Variants in LIPG observed in about 807,000 individuals in gnomAD.
The protein encoded by LIPG is endothelial lipase.
Under a neutral mutation model 51.8 loss-of-function variants are expected in LIPG, and 34 were observed. The observed-to-expected ratio is 0.66, with a 90% CI of 0.50 to 0.87. LIPG has a LOEUF of 0.87. Ranked by LOEUF, LIPG falls within the 40% of genes least tolerant of loss-of-function variation. LIPG has a pLI of 0.00. For missense variants in LIPG, 580 were observed against 652.7 expected (o/e 0.89, Z 1.21); for synonymous variants, 246 against 246.1 (o/e 1.00, Z 0.00).
chr18:49,567,767 T>C (rs2084622710), intron 3 of LIPG, 146 bp downstream of exon 3: 1 of 742,982 alleles, frequency 1.3e-6, no homozygotes. Context: ...GAATTAAGTA[T>C]TGTTTGGAAT....
rs189634835 is a variant in LIPG at position 49,594,468 on chromosome 18, G to T, written c.*3946G>T. 2.0e-5 allele frequency: 3 copies of T among 151,960 alleles called. No homozygotes were observed. Among genetic ancestry groups the T allele is most frequent in the South Asian group, 2.1e-4 (1 of 4,810 alleles). 9.4% of individuals were successfully genotyped at this position (151,960 alleles called of 1,614,324 possible). On this transcript the variant is annotated 3_prime_UTR_variant, in exon 10 of 10. Coordinates refer to ENST00000261292, the MANE Select transcript of LIPG (RefSeq NM_006033.4). ...TAATTTTGTATCTTTTAACAATTCCGTCCCTATTTCCCCTTTCCCCCTACC... is the reference window on the plus strand; with the variant it reads ...TAATTTTGTATCTTTTAACAATTCCTTCCCTATTTCCCCTTTCCCCCTACC...
rs750763124 is a variant in LIPG at position 49,586,731 on chromosome 18, T to C, written c.1377-15T>C. 2 of 1,595,200 alleles carry C rather than the reference T, an allele frequency of 1.3e-6. No individual in the cohort carries two copies. The highest frequency in any genetic ancestry group is 1.7e-6 in the Non-Finnish European group (2 of 1,162,714). On this transcript the variant is annotated splice_polypyrimidine_tract_variant and intron_variant, in intron 8 of 9. Coordinates refer to ENST00000261292, the MANE Select transcript of LIPG (RefSeq NM_006033.4). ...TAAAGTTCTGCCTACATCAGTGGTT[T>C]CTTTTCCCTCCTAGACTGACATTTT...
chr18:49,567,386 A>G, intron 2 of LIPG, 56 bp from the exon 3 acceptor site: 1 of 1,561,316 alleles, frequency 6.4e-7, no homozygotes, highest in Non-Finnish European at 8.7e-7. Context: ...GGAATTCCAT[A>G]TTTTTTAGGA....
chr18:49,567,938 G>C (rs1441239697), intron 3 of LIPG, among the ~76,000 whole-genome samples: 2 of 152,190 alleles, frequency 1.3e-5, no homozygotes, highest in East Asian at 3.9e-4. Context: ...AACCAGGCCA[G>C]GCTTGTGATC....
Position 49,580,239 on chromosome 18 carries a change from ACCAAC to A in LIPG, c.794-1175_794-1171del, listed in dbSNP as rs1425647375. Among the ~76,000 whole-genome samples, 18 of 152,304 alleles carry A rather than the reference ACCAAC, an allele frequency of 1.2e-4. No individual in the cohort carries two copies. The East Asian group carries it at 3.1e-3, about 26-fold the overall frequency. Reference sequence around the variant, plus strand: ...TCCAAATTGTATGCCTAACTTTGTAACCAACTGTCTCTATGACCCTGAGCAGATTA... The same window carrying A: ...TCCAAATTGTATGCCTAACTTTGTAATGTCTCTATGACCCTGAGCAGATTA... On this transcript the variant is annotated intron_variant, in intron 5 of 9. Coordinates refer to ENST00000261292, the MANE Select transcript of LIPG (RefSeq NM_006033.4).
At chr18:49,568,336 A>T (rs951484370) in intron 3 of LIPG, among the ~76,000 whole-genome samples, 8 of 149,154 alleles carry the variant, frequency 5.4e-5, no homozygotes, top group African/African-American at 1.7e-4. Context: ...AGCCTGCCTG[A>T]TACCTCTTTT....
chr18:49,582,218 C>G (rs992246799), intron 6 of LIPG, 144 bp from the exon 7 acceptor site: 4 of 942,184 alleles, frequency 4.2e-6, no homozygotes, highest in Non-Finnish European at 5.1e-6. Context: ...TTGGACAGAA[C>G]AAGAGCAGAT....
At chr18:49,578,853 TCCA>T (rs1383582408) in intron 5 of LIPG, among the ~76,000 whole-genome samples, 13 of 150,196 alleles carry the variant, frequency 8.7e-5, no homozygotes, top group Admixed American at 2.0e-4. Flanking sequence ...AAACCCCGTC[TCCA>T]CCAAAACCAG....
chr18:49,588,322 G>GT (rs1568538178), intron 9 of LIPG, among the ~76,000 whole-genome samples: 2 of 140,162 alleles, frequency 1.4e-5, no homozygotes, highest in Non-Finnish European at 3.0e-5. Flanking sequence ...TCACTCTATC[G>GT]CTCAGGCTGG....
At chr18:49,577,769 G>A (rs1430296736) in intron 5 of LIPG, among the ~76,000 whole-genome samples, 1 of 106,670 alleles carries the variant, frequency 9.4e-6, no homozygotes, top group Non-Finnish European at 1.9e-5. Context: ...CTCCCTCCCG[G>A]ATGGGGCGGC....
At chr18:49,565,565 A>G in intron 2 of LIPG, 67 bp downstream of exon 2, 1 of 1,567,536 alleles carries the variant, frequency 6.4e-7, no homozygotes, top group East Asian at 2.2e-5. Flanking sequence ...GGTCAATTAG[A>G]AAGAATTCTG....
intron 2 of LIPG, 144 bp downstream of exon 2, chr18:49,565,642 G>A: frequency 2.1e-6 from 2 of 954,270 alleles, no homozygotes; most frequent in East Asian, 2.6e-5. Context: ...AGACAGCTGT[G>A]AAGAATGTAA....
chr18:49,565,479 T>C lies in LIPG; in HGVS notation c.260T>C (p.Phe87Ser). ...TTCAACATGACAGCTAAAACCTTTT[T>C]CATCATTCACGGATGGACGGTGAGC... ...CSFNMTAKTF[F>S]IIHGWTMSGI... The change falls in exon 2 of 10, where the codon TTC (phenylalanine) becomes TCC (serine). Residue 87 changes from phenylalanine to serine, a missense_variant. Physicochemically the swap from Phe to Ser is radical, Grantham distance 155. Transcript: ENST00000261292. 6.2e-7 allele frequency: 1 copy of C among 1,614,252 alleles called. No individual in the cohort carries two copies. The highest frequency in any genetic ancestry group is 8.5e-7 in the Non-Finnish European group (1 of 1,180,046).
rs770572030 is a variant in LIPG, at chr18:49,581,427, T to C, written c.806T>C (p.Val269Ala). The C allele has an allele frequency of 1.9e-6, 3 of 1,613,856 alleles. No homozygotes were observed. The South Asian group carries it at 3.3e-5, about 18-fold the overall frequency. Residue 269 changes from valine (V) to alanine (A), a missense_variant, in exon 6 of 10, where the codon GTG becomes GCG. Val to Ala is a moderately conservative substitution (Grantham distance 64). Transcript: ENST00000261292. ...GSIAYGTITEVVKCEHERAVH... is the reference protein window; with the variant it reads ...GSIAYGTITEAVKCEHERAVH... ...CTCCCACCCCCAGCAATCACAGAGG[T>C]GGTAAAATGTGAGCATGAGCGAGCC...
At chr18:49,577,688 G>T (rs1568531342) in intron 5 of LIPG, among the ~76,000 whole-genome samples, 2 of 93,238 alleles carry the variant, frequency 2.1e-5, no homozygotes, top group African/African-American at 9.4e-5. Context: ...GGCTGGCCAG[G>T]CGGGGGGCTG....
In LIPG at chr18:49,590,762, C is replaced by T. The variant is rs1475405472; in HGVS notation, c.*240C>T. ...AACTCCAAACCTCTGTCCACACCTCCAGAGCACCAAGTCCAGATTTGTGTG... is the reference window on the plus strand; with the variant it reads ...AACTCCAAACCTCTGTCCACACCTCTAGAGCACCAAGTCCAGATTTGTGTG... On this transcript the variant is annotated 3_prime_UTR_variant, in exon 10 of 10. Coordinates refer to ENST00000261292, the MANE Select transcript of LIPG (RefSeq NM_006033.4). 1 of 592,944 alleles carries T rather than the reference C, an allele frequency of 1.7e-6. No individual in the cohort carries two copies. The highest frequency in any genetic ancestry group is 2.9e-5 in the East Asian group (1 of 34,952). 36.7% of individuals were successfully genotyped at this position (592,944 alleles called of 1,614,324 possible).
chr18:49,574,167 C>T (rs1242182405), intron 4 of LIPG, among the ~76,000 whole-genome samples: 1 of 152,194 alleles, frequency 6.6e-6, no homozygotes, highest in Admixed American at 6.5e-5. Context: ...GGGCAAAGAG[C>T]TGTTCTGGTT....
At chr18:49,577,668 CGG>C (rs2084736397) in intron 5 of LIPG, among the ~76,000 whole-genome samples, 1 of 111,936 alleles carries the variant, frequency 8.9e-6, no homozygotes, top group Non-Finnish European at 2.0e-5. Context: ...ACCTCCCTCC[CGG>C]ACGGCACGGC....
chr18:49,581,739 C>T (rs2084823194), intron 6 of LIPG, 82 bp downstream of exon 6: 3 of 1,549,348 alleles, frequency 1.9e-6, no homozygotes, highest in Non-Finnish European at 2.6e-6. Flanking sequence ...CAGGGCACAT[C>T]CTAGCCCAGG....
Sources: allele counts gnomAD v4.1 joint callset (sites outside exome capture counted in the v4.1 genomes callset), GRCh38; gene constraint gnomAD v4.1.1; transcripts MANE v1.5; gene names NCBI Gene and HGNC (gene_info 2026-07-23, HGNC 2026-07-21).